CNOT7: variants seen among roughly 807,000 people sequenced by gnomAD.
The protein encoded by CNOT7 is CCR4-NOT transcription complex subunit 7.
Under a neutral mutation model 37.1 loss-of-function variants are expected in CNOT7, and 4 were observed. The observed-to-expected ratio is 0.11, with a 90% confidence interval of 0.05 to 0.25. The LOEUF (loss-of-function observed/expected upper bound fraction) is 0.25, where lower values mean the gene tolerates loss of function less well. CNOT7 is among the 10% of genes least tolerant of loss of function. The pLI, the probability that CNOT7 is intolerant of heterozygous loss-of-function variation, is 1.00. For synonymous variants in CNOT7, 128 were observed against 115.6 expected, an observed-to-expected ratio of 1.11 and a Z score of -0.69; for missense variants, 170 against 336.2, an observed-to-expected ratio of 0.51 and a Z score of 3.87.
rs769023454 is a variant in CNOT7 at position 17,226,468 on chromosome 8, G to T, written c.*4252C>A. The T allele has an allele frequency of 1.3e-5, 2 of 151,604 alleles. No homozygotes were observed. The highest frequency in any genetic ancestry group is 4.8e-5 in the African/African-American group (2 of 41,364). The allele number at this position is 151,604 out of a possible 1,614,324, so 9.4% of individuals were successfully genotyped here. ...AGTTAAGCATATTCATCACTTGTAAGGCATTTGTAGGATTCATCTTTTTGG... is the reference window on the plus strand; with the variant it reads ...AGTTAAGCATATTCATCACTTGTAATGCATTTGTAGGATTCATCTTTTTGG... On this transcript the variant is annotated 3_prime_UTR_variant, in exon 7 of 7. Coordinates refer to ENST00000361272, the MANE Select transcript of CNOT7 (RefSeq NM_013354.7).
At position 17,229,753 on chromosome 8, in the gene CNOT7, TACC is replaced by T. The variant is rs1808398124; in HGVS notation, c.*964_*966del. 6.6e-6 allele frequency: 1 copy of T among 151,800 alleles called. No individual in the cohort carries two copies. The highest frequency in any genetic ancestry group is 2.4e-5 in the African/African-American group (1 of 41,272). 9.4% of individuals were successfully genotyped at this position (151,800 alleles called of 1,614,324 possible). ...TTCTAATTTAATTTGGTACAAAATA[TACC>T]TAAAGACTTATCTTTGGATTTTTAA... On this transcript the variant is annotated 3_prime_UTR_variant, in exon 7 of 7. Coordinates refer to ENST00000361272, the MANE Select transcript of CNOT7 (RefSeq NM_013354.7).
At chr8:17,242,865 G>T (rs987966028) in intron 3 of CNOT7, 127 bp downstream of exon 3, 6 of 543,308 alleles carry the variant, frequency 1.1e-5, no homozygotes, top group Non-Finnish European at 1.9e-5. Flanking sequence ...GAAATGTTAC[G>T]TTTTATATAT....
At chr8:17,233,294 A>G (rs1488935434) in intron 5 of CNOT7, among the ~76,000 whole-genome samples, 3 of 152,200 alleles carry the variant, frequency 2.0e-5, no homozygotes, top group African/African-American at 4.8e-5. Flanking sequence ...CCACCGGCAA[A>G]ATGGCCCTTC....
chr8:17,245,210 A>T lies in CNOT7; in HGVS notation c.-58T>A. 1 of 1,515,092 alleles carries T rather than the reference A, an allele frequency of 6.6e-7. No individual in the cohort carries two copies. Among genetic ancestry groups the T allele is most frequent in the Non-Finnish European group, 8.8e-7 (1 of 1,130,790 alleles). 93.9% of individuals were successfully genotyped at this position (1,515,092 alleles called of 1,614,324 possible). A position where few individuals can be genotyped will look rare whatever the true frequency, so the allele number is the denominator to read the frequency against. On this transcript the variant is annotated 5_prime_UTR_variant, in exon 2 of 7. Coordinates refer to ENST00000361272, the MANE Select transcript of CNOT7 (RefSeq NM_013354.7). Reference sequence around the variant, plus strand: ...ATCAAAATGTTATACTTGATTGAAGATTTGTTTCATAAAATATTTTATCCT... The same window carrying T: ...ATCAAAATGTTATACTTGATTGAAGTTTTGTTTCATAAAATATTTTATCCT...
chr8:17,235,340 T>C (rs772409928), intron 4 of CNOT7, among the ~76,000 whole-genome samples: 2 of 152,180 alleles, frequency 1.3e-5, no homozygotes, highest in African/African-American at 2.4e-5. Flanking sequence ...GGTGGTCATA[T>C]ACTTTATCCA....
At chr8:17,235,290 G>A (rs887911739) in intron 4 of CNOT7, among the ~76,000 whole-genome samples, 2 of 152,118 alleles carry the variant, frequency 1.3e-5, no homozygotes, top group Admixed American at 6.6e-5. Flanking sequence ...ACTGGCATTC[G>A]GTAGACAAAA....
rs1808395253 is a variant in CNOT7 at position 17,229,715 on chromosome 8, C to T, written c.*1005G>A. ...TTTACCTTTGTAGCAACTATGAAAG[C>T]ACAATTTTTGTCTTCTAATTTAATT... is the stretch of plus-strand genomic sequence containing the variant. On this transcript the variant is annotated 3_prime_UTR_variant, in exon 7 of 7. Coordinates refer to ENST00000361272, the MANE Select transcript of CNOT7 (RefSeq NM_013354.7). 1 of 151,480 alleles carries T rather than the reference C, an allele frequency of 6.6e-6. No individual in the cohort carries two copies. Among genetic ancestry groups the T allele is most frequent in the African/African-American group, 2.4e-5 (1 of 41,166 alleles). The allele number at this position is 151,480 out of a possible 1,614,324, so 9.4% of individuals were successfully genotyped here.
chr8:17,242,002 A>C (rs1369025918), intron 3 of CNOT7: 1 of 152,212 alleles, frequency 6.6e-6, no homozygotes, highest in Non-Finnish European at 1.5e-5. Flanking sequence ...GTGGGAACCA[A>C]CCCTGGTCAG....
intron 1 of CNOT7, chr8:17,245,762 G>C (rs899552458): frequency 6.6e-6 from 1 of 151,902 alleles, no homozygotes; most frequent in African/African-American, 2.4e-5. Context: ...TGAGAAAAAA[G>C]TAACGGCCAT....
intron 3 of CNOT7, among the ~76,000 whole-genome samples, chr8:17,237,986 T>A (rs1015185491): frequency 3.3e-5 from 5 of 152,210 alleles, no homozygotes; most frequent in Admixed American, 2.0e-4. Context: ...CTGCCAACAA[T>A]CCTATTCCTA....
Position 17,225,871 on chromosome 8 carries a change from CATTT to C in CNOT7, c.*4845_*4848del, listed in dbSNP as rs943656752. ...ATCCCTTTATTTATAAATTCTAACA[CATTT>C]ATTTTATAGACATGAGATAACATAT... is the stretch of plus-strand genomic sequence containing the variant. On this transcript the variant is annotated 3_prime_UTR_variant, in exon 7 of 7. Coordinates refer to ENST00000361272, the MANE Select transcript of CNOT7 (RefSeq NM_013354.7). 2 of 151,452 alleles carry C rather than the reference CATTT, an allele frequency of 1.3e-5. No homozygotes were observed. Among genetic ancestry groups the C allele is most frequent in the African/African-American group, 4.8e-5 (2 of 41,324 alleles). 9.4% of individuals were successfully genotyped at this position (151,452 alleles called of 1,614,324 possible). A position where few individuals can be genotyped will look rare whatever the true frequency, so the allele number is the denominator to read the frequency against.
rs867195102 is a variant in CNOT7, at chr8:17,243,462, G to A, written c.118-277C>T. 11 of 559,646 alleles carry A rather than the reference G, an allele frequency of 2.0e-5. No individual in the cohort carries two copies. The Middle Eastern group carries it at 8.2e-4, about 42-fold the overall frequency. 34.7% of individuals were successfully genotyped at this position (559,646 alleles called of 1,614,324 possible). On this transcript the variant is annotated intron_variant, in intron 2 of 6. Coordinates refer to ENST00000361272, the MANE Select transcript of CNOT7 (RefSeq NM_013354.7). ...CTTACTCTATAACCAAGAAAGGGGGGAAAATCATAAATTCCTGTCTCCCAA... is the reference window on the plus strand; with the variant it reads ...CTTACTCTATAACCAAGAAAGGGGGAAAAATCATAAATTCCTGTCTCCCAA...
chr8:17,232,544 A>G lies in CNOT7; in HGVS notation c.619-7T>C. On this transcript the variant is annotated splice_polypyrimidine_tract_variant and splice_region_variant and intron_variant, in intron 5 of 6. Transcript: ENST00000361272. The stretch of plus-strand genomic sequence containing the variant: ...CCACCTCCTGTAATCCACCCTAGAA[A>G]AAATAAAAAATTGCTTGTCAAGAAG... 1.2e-6 allele frequency: 2 copies of G among 1,604,336 alleles called. No individual in the cohort carries two copies. The highest frequency in any genetic ancestry group is 1.7e-6 in the Non-Finnish European group (2 of 1,177,704).
At chr8:17,238,443 TAAA>T (rs548138025) in intron 3 of CNOT7, among the ~76,000 whole-genome samples, 104 of 150,428 alleles carry the variant, frequency 6.9e-4, no homozygotes, top group African/African-American at 2.4e-3. Flanking sequence ...AACAATCACG[TAAA>T]AGTCAGTCTC....
At chr8:17,234,959 G>C (rs1809144791) in intron 4 of CNOT7, 99 bp from the exon 5 acceptor site, 9 of 976,852 alleles carry the variant, frequency 9.2e-6, no homozygotes, top group South Asian at 8.7e-5. Flanking sequence ...AGTCACACTA[G>C]AGCCCTCCCA....
At chr8:17,243,561 G>C (rs183532710) in intron 2 of CNOT7, 3 of 463,856 alleles carry the variant, frequency 6.5e-6, no homozygotes, top group African/African-American at 4.0e-5. Context: ...TCAAAAGAGG[G>C]GAAAACGCCC....
In CNOT7 at chr8:17,229,462, G is replaced by A. The variant is rs1808369578; in HGVS notation, c.*1258C>T. 6.6e-6 allele frequency: 1 copy of A among 152,222 alleles called. No individual in the cohort carries two copies. Among genetic ancestry groups the A allele is most frequent in the South Asian group, 2.1e-4 (1 of 4,804 alleles). 9.4% of individuals were successfully genotyped at this position (152,222 alleles called of 1,614,324 possible). On this transcript the variant is annotated 3_prime_UTR_variant, in exon 7 of 7. Coordinates refer to ENST00000361272, the MANE Select transcript of CNOT7 (RefSeq NM_013354.7). ...TTATAACTTGTAGTCCATCATTTCG[G>A]GGTAGAGTTAATGATTACCGTAAAG... is the stretch of plus-strand genomic sequence containing the variant.
rs560766848 is a variant in CNOT7 at position 17,226,801 on chromosome 8, A to G, written c.*3919T>C. ...GTTGTACCTTGTAATTTCAGGTCAA[A>G]TTCATTAAGAAACATTTTCAAGTCT... On this transcript the variant is annotated 3_prime_UTR_variant, in exon 7 of 7. Transcript: ENST00000361272. The G allele has an allele frequency of 6.6e-6, 1 of 151,782 alleles. No homozygotes were observed. The highest frequency in any genetic ancestry group is 2.1e-4 in the South Asian group (1 of 4,832). The allele number at this position is 151,782 out of a possible 1,614,324, so 9.4% of individuals were successfully genotyped here. A position where few individuals can be genotyped will look rare whatever the true frequency, so the allele number is the denominator to read the frequency against.
intron 5 of CNOT7, among the ~76,000 whole-genome samples, chr8:17,234,253 A>AT (rs1809032040): frequency 6.6e-6 from 1 of 152,214 alleles, no homozygotes; most frequent in Non-Finnish European, 1.5e-5. Context: ...AACTGACAAA[A>AT]TAATTTCTAG....
Sources: allele counts gnomAD v4.1 joint callset (sites outside exome capture counted in the v4.1 genomes callset), GRCh38; gene constraint gnomAD v4.1.1; transcripts MANE v1.5; gene names NCBI Gene and HGNC (gene_info 2026-07-23, HGNC 2026-07-21).